The following ZNF587B variants were observed in gnomAD, a reference collection of about 807,000 sequenced individuals.
The protein encoded by ZNF587B is zinc finger protein 587B.
In ZNF587B, 6 loss-of-function variants were observed where a neutral mutation model predicts 7.2. That is an observed-to-expected ratio of 0.83 (90% CI 0.46 to 1.65). The LOEUF (loss-of-function observed/expected upper bound fraction) is 1.65, where lower values mean the gene tolerates loss of function less well. Ranked by LOEUF, ZNF587B falls within the 40% of genes most tolerant of loss-of-function variation. The probability of loss-of-function intolerance (pLI) is 0.01; values close to 1 mark genes in which losing one functional copy is unlikely to be tolerated. For missense variants in ZNF587B, 749 were observed against 761.0 expected (o/e 0.98, Z 0.19); for synonymous variants, 274 against 254.3 (o/e 1.08, Z -0.74).
chr19:57,837,423 G>GT (rs889390056), intron 1 of ZNF587B, among the ~76,000 whole-genome samples: 61 of 143,384 alleles, frequency 4.3e-4, no homozygotes, highest in East Asian at 1.2e-3. Flanking sequence ...CGCTCAGCTA[G>GT]TTTTTTTTTT....
chr19:57,842,535 C>G lies in ZNF587B; in HGVS notation c.1861C>G (p.Leu621Val). The G allele has an allele frequency of 1.3e-6, 2 of 1,546,964 alleles. No individual in the cohort carries two copies. Among genetic ancestry groups the G allele is most frequent in the Non-Finnish European group, 1.7e-6 (2 of 1,154,464 alleles). ...AAAAAAATTTAGGAAAAGCTCTTCA[C>G]TTCGTTACCATCAGAGAGTTCATGA... ...CEKKFRKSSS[L>V]RYHQRVHERK... The change falls in exon 3 of 3, where the codon CTT becomes GTT. Residue 621 changes from leucine (L) to valine (V), a missense_variant. Transcript: ENST00000594901.
At chr19:57,840,075 C>CAAAAAAAAAAA (rs774635301) in intron 2 of ZNF587B, among the ~76,000 whole-genome samples, 6 of 81,110 alleles carry the variant, frequency 7.4e-5, no homozygotes, top group Admixed American at 1.4e-4. Context: ...ACTCTGTCTC[C>CAAAAAAAAAAA]AAAAAAAAAA....
Position 57,841,849 on chromosome 19 carries a change from T to G in ZNF587B, c.1175T>G (p.Ile392Ser). Residue 392 changes from isoleucine to serine, a missense_variant, in exon 3 of 3, where the codon ATT (isoleucine) becomes AGT (serine). Ile to Ser is a moderately radical substitution (Grantham distance 142, BLOSUM62 -2). Transcript: ENST00000594901. Reference protein sequence around the residue: ...YKCGECGKSYISKGHLRIHQR... With the variant: ...YKCGECGKSYSSKGHLRIHQR... ...TGTGGAGAATGTGGGAAATCTTATATTTCAAAGGGGCACCTTAGGATCCAT... is the reference window on the plus strand; with the variant it reads ...TGTGGAGAATGTGGGAAATCTTATAGTTCAAAGGGGCACCTTAGGATCCAT... 6.2e-7 allele frequency: 1 copy of G among 1,611,876 alleles called. No homozygotes were observed. The highest frequency in any genetic ancestry group is 1.1e-5 in the South Asian group (1 of 90,930).
chr19:57,832,601 C>G (rs1447030271), intron 1 of ZNF587B, among the ~76,000 whole-genome samples: 2 of 152,292 alleles, frequency 1.3e-5, no homozygotes, highest in East Asian at 1.9e-4. Context: ...GGTGTTGATG[C>G]TTGTAGATAT....
chr19:57,840,075 C>CAAAAAAAAAAAAAAAA (rs774635301), intron 2 of ZNF587B, among the ~76,000 whole-genome samples: 5 of 81,110 alleles, frequency 6.2e-5, no homozygotes, highest in African/African-American at 1.3e-4. Flanking sequence ...ACTCTGTCTC[C>CAAAAAAAAAAAAAAAA]AAAAAAAAAA....
intron 1 of ZNF587B, among the ~76,000 whole-genome samples, chr19:57,831,658 T>C (rs191712829): frequency 6.6e-6 from 1 of 152,208 alleles, no homozygotes; most frequent in Non-Finnish European, 1.5e-5. Flanking sequence ...CCTCCCAAAG[T>C]GCTGGGGTTA....
chr19:57,842,190 A>T lies in ZNF587B; in HGVS notation c.1516A>T (p.Lys506Ter). 6.2e-7 allele frequency: 1 copy of T among 1,613,182 alleles called. No individual in the cohort carries two copies. The part of the protein sequence containing the change: ...CEACQKFFRH[K>*]CHLTAHQRVH... ...GGCTTGTCAGAAATTTTTTAGGCAC[A>T]AGTGCCACCTCACTGCACACCAGAG... is the stretch of plus-strand genomic sequence containing the variant. Residue 506 changes from lysine (K) to a stop codon, truncating the protein, a stop_gained, in exon 3 of 3, where the codon AAG (lysine) becomes TAG (stop). Transcript: ENST00000594901. LOFTEE classifies it low-confidence loss of function (END_TRUNC).
intron 1 of ZNF587B, among the ~76,000 whole-genome samples, chr19:57,830,816 G>T (rs1034838402): frequency 2.0e-5 from 3 of 151,700 alleles, no homozygotes; most frequent in African/African-American, 7.3e-5. Context: ...AAAAAAATCC[G>T]TTTATTTAGC....
At chr19:57,833,686 C>A (rs1483701840) in intron 1 of ZNF587B, among the ~76,000 whole-genome samples, 1 of 151,748 alleles carries the variant, frequency 6.6e-6, no homozygotes, top group African/African-American at 2.4e-5. Flanking sequence ...CCAGTGCCAT[C>A]GCATACTACC....
chr19:57,845,232 C>T lies in ZNF587B; in HGVS notation c.*2656C>T, dbSNP rs955492357. 2 of 152,150 alleles carry T rather than the reference C, an allele frequency of 1.3e-5. No individual in the cohort carries two copies. Among genetic ancestry groups the T allele is most frequent in the Non-Finnish European group, 2.9e-5 (2 of 68,082 alleles). 9.4% of individuals were successfully genotyped at this position (152,150 alleles called of 1,614,324 possible). A position where few individuals can be genotyped will look rare whatever the true frequency, so the allele number is the denominator to read the frequency against. Reference sequence around the variant, plus strand: ...TGAGCTCAGGTGATCTGCTCACCTCCGCCTTCCAAAGTGCTGGGACTACAG... The same window carrying T: ...TGAGCTCAGGTGATCTGCTCACCTCTGCCTTCCAAAGTGCTGGGACTACAG... On this transcript the variant is annotated 3_prime_UTR_variant, in exon 3 of 3. Coordinates refer to ENST00000594901, the MANE Select transcript of ZNF587B (RefSeq NM_001376223.1).
At position 57,845,322 on chromosome 19, in the gene ZNF587B, A is replaced by G. The variant is rs1414988250; in HGVS notation, c.*2746A>G. 1 of 152,182 alleles carries G rather than the reference A, an allele frequency of 6.6e-6. No homozygotes were observed. The highest frequency in any genetic ancestry group is 6.5e-5 in the Admixed American group (1 of 15,268). 9.4% of individuals were successfully genotyped at this position (152,182 alleles called of 1,614,324 possible). A position where few individuals can be genotyped will look rare whatever the true frequency, so the allele number is the denominator to read the frequency against. ...AAGGAGTGTCCACAGTTATCCAGTC[A>G]CTGTGTCTGTGATGGATAAGCAGAT... is the stretch of plus-strand genomic sequence containing the variant. On this transcript the variant is annotated 3_prime_UTR_variant, in exon 3 of 3. Transcript: ENST00000594901.
rs1255682441 is a variant in ZNF587B at position 57,842,667 on chromosome 19, C to G, written c.*91C>G. 1 of 1,346,874 alleles carries G rather than the reference C, an allele frequency of 7.4e-7. No homozygotes were observed. Among genetic ancestry groups the G allele is most frequent in the Non-Finnish European group, 9.5e-7 (1 of 1,053,794 alleles). 83.4% of individuals were successfully genotyped at this position (1,346,874 alleles called of 1,614,324 possible). Reference sequence around the variant, plus strand: ...TGCAGCAAATGTGGAAAATGTTTACCCAAAAGAAGTCTGCTCTCCTTGGAC... The same window carrying G: ...TGCAGCAAATGTGGAAAATGTTTACGCAAAAGAAGTCTGCTCTCCTTGGAC... On this transcript the variant is annotated 3_prime_UTR_variant, in exon 3 of 3. Transcript: ENST00000594901.
chr19:57,837,444 T>G (rs67400645), intron 1 of ZNF587B, among the ~76,000 whole-genome samples: 28,042 of 143,978 alleles, frequency 0.19, 2,722 homozygotes, highest in African/African-American at 0.25. Context: ...GTTTTGTTTT[T>G]TTTTTTTGGT....
At position 57,839,021 on chromosome 19, in the gene ZNF587B, A is replaced by G; in HGVS notation, c.37-2A>G. ...TGGTTTCATCTGTCAACATCATAAC[A>G]GGGCACAGTGACTTTTGAAGACGTG... On this transcript the variant is annotated splice_acceptor_variant, in intron 1 of 2. Transcript: ENST00000594901. LOFTEE classifies it high-confidence loss of function. 1 of 1,613,918 alleles carries G rather than the reference A, an allele frequency of 6.2e-7. No homozygotes were observed.
chr19:57,836,492 A>G (rs1290083903), intron 1 of ZNF587B, among the ~76,000 whole-genome samples: 3 of 152,144 alleles, frequency 2.0e-5, no homozygotes, highest in Non-Finnish European at 2.9e-5. Context: ...TTTCCCATTT[A>G]ACTCTCTTTT....
Position 57,841,561 on chromosome 19 carries a change from A to G in ZNF587B, c.887A>G (p.Lys296Arg), listed in dbSNP as rs761770776. The G allele has an allele frequency of 1.3e-6, 2 of 1,579,060 alleles. No homozygotes were observed. Among genetic ancestry groups the G allele is most frequent in the Non-Finnish European group, 1.7e-6 (2 of 1,161,980 alleles). ...IQHQQFHTGG[K>R]PYGCEECGKY... Reference sequence around the variant, plus strand: ...CATCAGCAATTTCACACTGGAGGAAAACCTTATGGGTGTGAAGAATGTGGG... The same window carrying G: ...CATCAGCAATTTCACACTGGAGGAAGACCTTATGGGTGTGAAGAATGTGGG... Residue 296 changes from lysine to arginine, a missense_variant, in exon 3 of 3, where the codon AAA (lysine) becomes AGA (arginine). Lys to Arg is a conservative substitution (Grantham distance 26, BLOSUM62 2). Around this residue, in one of 3 missense-constraint regions of ZNF587B, gnomAD observed 656 missense variants for 596.5 expected, o/e 1.10. Coordinates refer to ENST00000594901, the MANE Select transcript of ZNF587B (RefSeq NM_001376223.1).
Position 57,841,855 on chromosome 19 carries a change from A to T in ZNF587B, c.1181A>T (p.Lys394Met). ...GAATGTGGGAAATCTTATATTTCAA[A>T]GGGGCACCTTAGGATCCATCAGCGC... Reference protein sequence around the residue: ...CGECGKSYISKGHLRIHQRMH... With the variant: ...CGECGKSYISMGHLRIHQRMH... The change falls in exon 3 of 3, where the codon AAG (lysine) becomes ATG (methionine). Residue 394 changes from lysine (K) to methionine (M), a missense_variant. Transcript: ENST00000594901. The T allele has an allele frequency of 1.2e-6, 2 of 1,612,928 alleles. No individual in the cohort carries two copies. The highest frequency in any genetic ancestry group is 1.7e-6 in the Non-Finnish European group (2 of 1,179,650).
Position 57,841,710 on chromosome 19 carries a change from C to T in ZNF587B, c.1036C>T (p.Arg346Cys), listed in dbSNP as rs780567950. 4.4e-6 allele frequency: 7 copies of T among 1,606,594 alleles called. No homozygotes were observed. Among genetic ancestry groups the T allele is most frequent in the East Asian group, 4.5e-5 (2 of 44,534 alleles). Reference sequence around the variant, plus strand: ...AAACGTGAACCTTAAGAGTCATCAGCGCATTCACACTGGAGAGAGACCTTA... The same window carrying T: ...AAACGTGAACCTTAAGAGTCATCAGTGCATTCACACTGGAGAGAGACCTTA... ...SSNVNLKSHQ[R>C]IHTGERPYKC... Residue 346 changes from arginine (R) to cysteine (C), a missense_variant, in exon 3 of 3, where the codon CGC (arginine) becomes TGC (cysteine). Around this residue, in one of 3 missense-constraint regions of ZNF587B, gnomAD observed 656 missense variants for 596.5 expected, o/e 1.10. Transcript: ENST00000594901.
chr19:57,831,443 G>A (rs1313204384), intron 1 of ZNF587B, among the ~76,000 whole-genome samples: 3 of 152,144 alleles, frequency 2.0e-5, no homozygotes, highest in African/African-American at 7.2e-5. Flanking sequence ...GCCCAGGCTG[G>A]ATGCAATGGC....
Sources: gnomAD v4.1 joint callset for allele counts (sites outside exome capture counted in the v4.1 genomes callset) on GRCh38, gnomAD v4.1.1 for gene constraint, gnomAD v4.1.1 regional missense constraint, MANE v1.5 for transcripts, NCBI Gene and HGNC (gene_info 2026-07-23, HGNC 2026-07-21) for gene names.